Variants in KANSL1 observed in about 807,000 individuals in gnomAD.
The protein encoded by KANSL1 is KAT8 regulatory NSL complex subunit 1, also known as MLL1/MLL complex subunit KANSL1.
A neutral mutation model predicts 103.6 loss-of-function variants in KANSL1; 22 were observed. The observed-to-expected ratio is 0.21, with a 90% CI of 0.15 to 0.30. The LOEUF is 0.30. Among genes scored for constraint, KANSL1 ranks in the 10% least tolerant of loss-of-function variants. The pLI is 1.00. For synonymous variants in KANSL1, 600 were observed against 527.6 expected, an observed-to-expected ratio of 1.14 and a Z score of -1.88; for missense variants, 1,337 against 1,399.8, an observed-to-expected ratio of 0.96 and a Z score of 0.72.
intron 4 of KANSL1, among the ~76,000 whole-genome samples, chr17:46,070,501 C>A (rs2078535476): frequency 6.6e-6 from 1 of 151,946 alleles, no homozygotes; most frequent in South Asian, 2.1e-4. Context: ...ATTTACTACA[C>A]AGGGGAAACC....
At chr17:46,153,865 G>T (rs2045266926) in intron 2 of KANSL1, among the ~76,000 whole-genome samples, 2 of 152,210 alleles carry the variant, frequency 1.3e-5, no homozygotes, top group South Asian at 4.1e-4. Flanking sequence ...GGTAAGAAAA[G>T]AGTGAAAAAG....
chr17:46,039,151 G>GGCCGT lies in KANSL1; in HGVS notation c.2267_2268insACGGC (p.Val757ArgfsTer9). On this transcript the variant is annotated frameshift_variant, in exon 9 of 15. Transcript: ENST00000432791. LOFTEE classifies it high-confidence loss of function. ...CTGTCACTCGCTCCACCATGGGCAC[G>GGCCGT]GCCCCCACATCGTCTAAGTGCTGCC... 6.2e-7 allele frequency: 1 copy of GGCCGT among 1,612,094 alleles called. No individual in the cohort carries two copies. Among genetic ancestry groups the GGCCGT allele is most frequent in the Non-Finnish European group, 8.5e-7 (1 of 1,179,520 alleles).
intron 10 of KANSL1, among the ~76,000 whole-genome samples, chr17:46,037,171 T>C (rs752159890): frequency 3.3e-5 from 5 of 152,222 alleles, no homozygotes; most frequent in Non-Finnish European, 7.3e-5. Context: ...CACAGAAATA[T>C]TGAAGTGCTC....
intron 6 of KANSL1, among the ~76,000 whole-genome samples, chr17:46,054,778 T>G (rs1353658297): frequency 6.6e-6 from 1 of 152,158 alleles, no homozygotes; most frequent in African/African-American, 2.4e-5. Context: ...GCCTCTGCAC[T>G]TGGCTCTTCA....
chr17:46,043,434 T>A (rs2077397641), intron 7 of KANSL1: 1 of 152,128 alleles, frequency 6.6e-6, no homozygotes, highest in Non-Finnish European at 1.5e-5. Flanking sequence ...GAACAAATCA[T>A]TCAGCTGGGC....
At chr17:46,101,561 C>T (rs567710894) in intron 2 of KANSL1, among the ~76,000 whole-genome samples, 1 of 152,004 alleles carries the variant, frequency 6.6e-6, no homozygotes, top group East Asian at 1.9e-4. Context: ...ATCAGCCTGA[C>T]TAACATAGTG....
At chr17:46,205,449 A>AGT (rs1352023376) in intron 1 of KANSL1, among the ~76,000 whole-genome samples, 455 of 134,852 alleles carry the variant, frequency 3.4e-3, no homozygotes, top group Middle Eastern at 0.02. Context: ...TGGGAGGCCG[A>AGT]GGCAGGCGGA....
intron 6 of KANSL1, among the ~76,000 whole-genome samples, chr17:46,053,196 T>C (rs544457684): frequency 1.3e-5 from 2 of 148,886 alleles, no homozygotes; most frequent in Non-Finnish European, 3.0e-5. Context: ...GGTAAGAGAA[T>C]CACTTGAACC....
At chr17:46,062,108 A>AC (rs2078185284) in intron 6 of KANSL1, among the ~76,000 whole-genome samples, 1 of 37,512 alleles carries the variant, frequency 2.7e-5, no homozygotes, top group African/African-American at 8.6e-5. Flanking sequence ...AAAAAAAAAA[A>AC]ACAAACAAAC....
rs192175611 is a variant in KANSL1 at position 46,123,635 on chromosome 17, T to C, written c.1290-28934A>G. Among the ~76,000 whole-genome samples the C allele has an allele frequency of 2.6e-5, 4 of 152,334 alleles. No individual in the cohort carries two copies. In the East Asian group the frequency reaches 7.7e-4, roughly 29 times the overall value. ...AGATCAAACCAGCCACAACATTCCA[T>C]TAAACTGAAAGCCTAATCCAGAACA... On this transcript the variant is annotated intron_variant, in intron 2 of 14. Coordinates refer to ENST00000432791, the MANE Select transcript of KANSL1 (RefSeq NM_015443.4).
chr17:46,157,780 TAAGCAAGC>T (rs2045507930), intron 2 of KANSL1, among the ~76,000 whole-genome samples: 1 of 152,234 alleles, frequency 6.6e-6, no homozygotes, highest in Non-Finnish European at 1.5e-5. Context: ...AAATGAGTCT[TAAGCAAGC>T]TTCATTCTGT....
intron 6 of KANSL1, among the ~76,000 whole-genome samples, chr17:46,064,029 C>A (rs2078276136): frequency 8.2e-6 from 1 of 122,660 alleles, no homozygotes. Flanking sequence ...CTCTGAAAAT[C>A]TTTTAGAGAT....
At chr17:46,049,861 T>TA (rs2077650527) in intron 7 of KANSL1, 1 of 152,216 alleles carries the variant, frequency 6.6e-6, no homozygotes, top group African/African-American at 2.4e-5. Flanking sequence ...AGTATGAAGA[T>TA]ATTCTCCTAG....
At chr17:46,159,741 T>C (rs1196208708) in intron 2 of KANSL1, among the ~76,000 whole-genome samples, 1 of 152,252 alleles carries the variant, frequency 6.6e-6, no homozygotes, top group Non-Finnish European at 1.5e-5. Flanking sequence ...GGGAAATAGT[T>C]GTTTGGGGCT....
intron 2 of KANSL1, chr17:46,148,209 A>G (rs1452760413): frequency 1.3e-5 from 2 of 152,242 alleles, no homozygotes; most frequent in African/African-American, 2.4e-5. Context: ...CTTTTTACAT[A>G]GTTACATGAT....
At chr17:46,081,355 A>G (rs751881279) in intron 4 of KANSL1, among the ~76,000 whole-genome samples, 2 of 152,206 alleles carry the variant, frequency 1.3e-5, no homozygotes, top group South Asian at 2.1e-4. Context: ...CCCTGATTAG[A>G]CCATTCACTA....
upstream of KANSL1, among the ~76,000 whole-genome samples, chr17:46,195,381 G>A (rs2047572113): frequency 6.6e-6 from 1 of 152,236 alleles, no homozygotes; most frequent in South Asian, 2.1e-4. Flanking sequence ...TAATGGATTA[G>A]GAGAAAACTG....
chr17:46,174,231 C>T (rs1171893770), intron 1 of KANSL1, among the ~76,000 whole-genome samples: 2 of 152,210 alleles, frequency 1.3e-5, no homozygotes, highest in African/African-American at 4.8e-5. Context: ...TGTCGCCACG[C>T]TGGAGTGCAG....
At chr17:46,069,612 C>T (rs1189759493) in intron 4 of KANSL1, among the ~76,000 whole-genome samples, 1 of 151,900 alleles carries the variant, frequency 6.6e-6, no homozygotes, top group East Asian at 1.9e-4. Context: ...GGCATGGTGG[C>T]GCCTGTCTGT....
Sources: allele counts gnomAD v4.1 joint callset (sites outside exome capture counted in the v4.1 genomes callset), GRCh38; gene constraint gnomAD v4.1.1; transcripts MANE v1.5; gene names NCBI Gene and HGNC (gene_info 2026-07-23, HGNC 2026-07-21).